PLCL1: variants seen among roughly 807,000 people sequenced by gnomAD.
PLCL1 encodes the protein inactive phospholipase C-like protein 1.
Under a neutral mutation model 84.4 loss-of-function variants are expected in PLCL1, and 41 were observed. That is an observed-to-expected ratio of 0.49 (90% CI 0.38 to 0.63). The LOEUF (loss-of-function observed/expected upper bound fraction) is 0.63, where lower values mean the gene tolerates loss of function less well. Among genes scored for constraint, PLCL1 ranks in the 30% least tolerant of loss-of-function variants. The probability of loss-of-function intolerance (pLI) is 0.00; values close to 1 mark genes in which losing one functional copy is unlikely to be tolerated. For synonymous variants in PLCL1, 490 were observed against 488.3 expected (o/e 1.00, Z -0.05); for missense variants, 1,206 against 1,367.8 (o/e 0.88, Z 1.87).
chr2:197,848,199 A>G (rs1687157295), intron 1 of PLCL1, among the ~76,000 whole-genome samples: 1 of 152,200 alleles, frequency 6.6e-6, no homozygotes, highest in Non-Finnish European at 1.5e-5. Flanking sequence ...ATTGAAAGGT[A>G]AAACAATGGG....
chr2:197,946,082 T>A (rs1689265519), intron 1 of PLCL1, among the ~76,000 whole-genome samples: 1 of 152,128 alleles, frequency 6.6e-6, no homozygotes, highest in Non-Finnish European at 1.5e-5. Flanking sequence ...AGAACATTTC[T>A]TCAACGTTAA....
chr2:198,075,417 G>A (rs748349121), intron 1 of PLCL1, among the ~76,000 whole-genome samples: 1 of 152,162 alleles, frequency 6.6e-6, no homozygotes, highest in Non-Finnish European at 1.5e-5. Flanking sequence ...TCAAATTGAC[G>A]CAGCTAAAGC....
intron 5 of PLCL1, among the ~76,000 whole-genome samples, chr2:198,134,350 T>G (rs3821245): frequency 0.36 from 55,029 of 151,932 alleles, 11,054 homozygotes; most frequent in Middle Eastern, 0.59. Flanking sequence ...AACCAGTCAT[T>G]GTGGAGGAAG....
chr2:197,906,169 G>C (rs1462925373), intron 1 of PLCL1, among the ~76,000 whole-genome samples: 2 of 152,068 alleles, frequency 1.3e-5, no homozygotes, highest in Non-Finnish European at 2.9e-5. Context: ...GTATTGCCTA[G>C]GTTTTCTTCT....
In PLCL1 at chr2:198,146,905, G is replaced by C; in HGVS notation, c.3231G>C (p.Lys1077Asn). ...APSSSAEAKS[K>N]RSLEAIEEKE... ...GCAGCAGTGCTGAGGCCAAGAGCAA[G>C]CGCAGCCTGGAAGCCATAGAGGAGA... Residue 1077 changes from lysine to asparagine, a missense_variant, in exon 6 of 6, where the codon AAG (lysine) becomes AAC (asparagine). Coordinates refer to ENST00000428675, the MANE Select transcript of PLCL1 (RefSeq NM_006226.4). 1 of 1,613,298 alleles carries C rather than the reference G, an allele frequency of 6.2e-7. No individual in the cohort carries two copies. Among genetic ancestry groups the C allele is most frequent in the Non-Finnish European group, 8.5e-7 (1 of 1,179,536 alleles).
chr2:197,970,525 CA>C (rs1689841321), intron 1 of PLCL1, among the ~76,000 whole-genome samples: 1 of 152,076 alleles, frequency 6.6e-6, no homozygotes, highest in Non-Finnish European at 1.5e-5. Flanking sequence ...CTTAGTATGA[CA>C]AAAAGTATGT....
At chr2:198,015,785 A>G (rs1690983726) in intron 1 of PLCL1, among the ~76,000 whole-genome samples, 2 of 152,188 alleles carry the variant, frequency 1.3e-5, no homozygotes, top group Admixed American at 6.5e-5. Flanking sequence ...CTCAGAGCAT[A>G]TGTGTGATAA....
At chr2:198,132,657 T>C (rs1296012831) in intron 5 of PLCL1, among the ~76,000 whole-genome samples, 1 of 152,158 alleles carries the variant, frequency 6.6e-6, no homozygotes, top group African/African-American at 2.4e-5. Context: ...GGTGAATGTA[T>C]GGTGAATTTT....
At chr2:198,140,694 A>T (rs773225679) in intron 5 of PLCL1, among the ~76,000 whole-genome samples, 1 of 152,168 alleles carries the variant, frequency 6.6e-6, no homozygotes, top group Non-Finnish European at 1.5e-5. Flanking sequence ...ATGGCTTATT[A>T]AACATGTCAT....
intron 1 of PLCL1, among the ~76,000 whole-genome samples, chr2:198,046,042 A>G (rs1223573897): frequency 6.6e-6 from 1 of 152,144 alleles, no homozygotes; most frequent in African/African-American, 2.4e-5. Flanking sequence ...TGATGTTTTC[A>G]TAGTTTAAGT....
intron 3 of PLCL1, among the ~76,000 whole-genome samples, chr2:198,098,910 G>A (rs917644652): frequency 6.6e-6 from 1 of 152,036 alleles, no homozygotes. Flanking sequence ...CTCTTAAAGG[G>A]TAACTTTACA....
intron 1 of PLCL1, among the ~76,000 whole-genome samples, chr2:197,852,244 G>C (rs536791532): frequency 6.6e-6 from 1 of 152,230 alleles, no homozygotes; most frequent in East Asian, 1.9e-4. Context: ...GTGGGGGAGG[G>C]AGCAGGGAGG....
At chr2:197,990,671 C>T (rs1559066776) in intron 1 of PLCL1, among the ~76,000 whole-genome samples, 1 of 152,134 alleles carries the variant, frequency 6.6e-6, no homozygotes, top group Non-Finnish European at 1.5e-5. Context: ...TCCACAGAGT[C>T]CCTCCCATGA....
At position 198,127,834 on chromosome 2, in the gene PLCL1, G is replaced by C. The variant is rs573472181; in HGVS notation, c.3106-18946G>C. Among the ~76,000 whole-genome samples, 3 of 152,278 alleles carry C rather than the reference G, an allele frequency of 2.0e-5. No individual in the cohort carries two copies. The East Asian group carries it at 5.8e-4, about 29-fold the overall frequency. The stretch of plus-strand genomic sequence containing the variant: ...GCACTCCCTACCTAAGTCCAAAGCA[G>C]GGGAGCCACCTGCTGGACAGTGTGA... On this transcript the variant is annotated intron_variant, in intron 5 of 5. Transcript: ENST00000428675.
intron 1 of PLCL1, among the ~76,000 whole-genome samples, chr2:197,956,177 T>A (rs779388282): frequency 2.6e-5 from 4 of 152,208 alleles, no homozygotes; most frequent in Non-Finnish European, 4.4e-5. Flanking sequence ...TGCATAGTAT[T>A]CCATGGTGTA....
At chr2:197,953,047 T>C (rs1009102417) in intron 1 of PLCL1, among the ~76,000 whole-genome samples, 7 of 152,126 alleles carry the variant, frequency 4.6e-5, no homozygotes, top group African/African-American at 1.2e-4. Flanking sequence ...CTGTGCCAGA[T>C]ATAGCTGGTG....
intron 1 of PLCL1, among the ~76,000 whole-genome samples, chr2:197,829,266 A>G (rs892412241): frequency 6.6e-5 from 10 of 152,198 alleles, no homozygotes; most frequent in African/African-American, 2.2e-4. Flanking sequence ...TTCTTCCCTA[A>G]GTTCCTCCAG....
chr2:198,097,353 A>G (rs891771452), intron 3 of PLCL1, among the ~76,000 whole-genome samples: 1 of 152,218 alleles, frequency 6.6e-6, no homozygotes, highest in African/African-American at 2.4e-5. Context: ...ATACATATCC[A>G]TAAGCAAGTA....
chr2:198,104,445 C>T (rs1025912940), intron 5 of PLCL1, among the ~76,000 whole-genome samples: 10 of 151,894 alleles, frequency 6.6e-5, no homozygotes, highest in Admixed American at 2.0e-4. Context: ...CCACTATTGA[C>T]GGACATGTAG....
Sources: allele counts gnomAD v4.1 joint callset (sites outside exome capture counted in the v4.1 genomes callset), GRCh38; gene constraint gnomAD v4.1.1; transcripts MANE v1.5; gene names NCBI Gene and HGNC (gene_info 2026-07-23, HGNC 2026-07-21).